Variants in TRDN observed in about 807,000 individuals in gnomAD.
The protein encoded by TRDN is triadin in skeletal muscle.
TRDN carries 161 observed loss-of-function variants against 149.7 expected under a neutral mutation model. That is an observed-to-expected ratio of 1.08 (90% CI 0.95 to 1.23). The LOEUF (loss-of-function observed/expected upper bound fraction) is 1.23, where lower values mean the gene tolerates loss of function less well. Ranked by LOEUF, TRDN falls within the 50% of genes most tolerant of loss-of-function variation. The pLI is 0.00. For missense variants in TRDN, 896 were observed against 823.5 expected (o/e 1.09, Z -1.08); for synonymous variants, 294 against 250.5 (o/e 1.17, Z -1.64).
chr6:123,632,282 A>G lies in TRDN; in HGVS notation c.22+4472T>C, dbSNP rs140126660. On this transcript the variant is annotated intron_variant, in intron 1 of 40. Coordinates refer to ENST00000334268, the MANE Select transcript of TRDN (RefSeq NM_006073.4). ...ATTTCTTAAAAATTGGAGGCTGTGTATTTCCTTTTCCTTCCCTCCTTTCTT... is the reference window on the plus strand; with the variant it reads ...ATTTCTTAAAAATTGGAGGCTGTGTGTTTCCTTTTCCTTCCCTCCTTTCTT... 4.0e-5 allele frequency among the ~76,000 whole-genome samples: 6 copies of G among 151,710 alleles called. No homozygotes were observed. The East Asian group carries it at 1.2e-3, about 30-fold the overall frequency.
intron 19 of TRDN, among the ~76,000 whole-genome samples, chr6:123,373,891 A>G (rs1194285299): frequency 6.6e-6 from 1 of 152,210 alleles, no homozygotes; most frequent in Non-Finnish European, 1.5e-5. Flanking sequence ...CTATAATGAT[A>G]TGTAATTTTC....
Position 123,381,734 on chromosome 6 carries a change from T to C in TRDN, c.1166-344A>G, listed in dbSNP as rs548152512. The stretch of plus-strand genomic sequence containing the variant: ...ACAGGTATACTTGCCAAATGAATTA[T>C]TCAAGACCGAAAGGAAGAAATCAGT... On this transcript the variant is annotated intron_variant, in intron 15 of 40. Transcript: ENST00000334268. Among the ~76,000 whole-genome samples, 5 of 152,166 alleles carry C rather than the reference T, an allele frequency of 3.3e-5. No homozygotes were observed. The South Asian group carries it at 8.3e-4, about 25-fold the overall frequency.
At chr6:123,412,572 G>A (rs1306329234) in intron 12 of TRDN, among the ~76,000 whole-genome samples, 1 of 152,030 alleles carries the variant, frequency 6.6e-6, no homozygotes, top group Non-Finnish European at 1.5e-5. Context: ...ATTTCATTGT[G>A]GTATAGCTGC....
intron 24 of TRDN, among the ~76,000 whole-genome samples, chr6:123,298,933 T>C (rs1778306156): frequency 1.3e-5 from 2 of 152,116 alleles, no homozygotes; most frequent in African/African-American, 4.8e-5. Context: ...ATCATTAATG[T>C]TGGTTATAAT....
intron 12 of TRDN, among the ~76,000 whole-genome samples, chr6:123,415,896 T>G (rs1289748624): frequency 1.3e-5 from 2 of 152,224 alleles, no homozygotes; most frequent in African/African-American, 4.8e-5. Context: ...TAGTCGAGTT[T>G]CCATATTCTA....
chr6:123,434,399 G>A (rs1056701625), intron 12 of TRDN, among the ~76,000 whole-genome samples: 2 of 152,166 alleles, frequency 1.3e-5, no homozygotes, highest in Non-Finnish European at 2.9e-5. Context: ...GGCAAATGAA[G>A]ATGTTAGTAA....
chr6:123,330,554 G>A (rs184516102), intron 23 of TRDN, among the ~76,000 whole-genome samples: 32 of 152,018 alleles, frequency 2.1e-4, no homozygotes, highest in East Asian at 1.9e-3. Context: ...CATAAAAGCC[G>A]ATGAAAAGAA....
intron 12 of TRDN, among the ~76,000 whole-genome samples, chr6:123,413,577 T>C (rs1186662641): frequency 6.6e-6 from 1 of 152,184 alleles, no homozygotes; most frequent in Non-Finnish European, 1.5e-5. Context: ...CTTCATAGCC[T>C]GATAAAAGTG....
chr6:123,502,064 C>T (rs1271556582), intron 8 of TRDN: 14 of 983,284 alleles, frequency 1.4e-5, no homozygotes, highest in East Asian at 1.1e-4. Flanking sequence ...TCAATTTTTA[C>T]ACTCTGTATT....
chr6:123,580,712 T>C (rs1051336672), intron 1 of TRDN, among the ~76,000 whole-genome samples: 3 of 152,198 alleles, frequency 2.0e-5, no homozygotes, highest in Non-Finnish European at 4.4e-5. Context: ...GCTGTAACTA[T>C]GCAACAACCT....
intron 20 of TRDN, among the ~76,000 whole-genome samples, chr6:123,364,961 A>G (rs2114353436): frequency 6.6e-6 from 1 of 152,380 alleles, no homozygotes; most frequent in Middle Eastern, 3.4e-3. Flanking sequence ...TGTCAATTCC[A>G]GAATATGACA....
intron 12 of TRDN, among the ~76,000 whole-genome samples, chr6:123,427,224 T>G (rs766668496): frequency 6.6e-6 from 1 of 151,582 alleles, no homozygotes; most frequent in Non-Finnish European, 1.5e-5. Context: ...AGGTTATATA[T>G]AGTGAACATT....
chr6:123,539,539 A>T (rs917933388), intron 4 of TRDN, among the ~76,000 whole-genome samples: 3 of 152,246 alleles, frequency 2.0e-5, no homozygotes, highest in Admixed American at 1.3e-4. Flanking sequence ...ACTTGACCAT[A>T]GCTGGTTAAC....
intron 12 of TRDN, among the ~76,000 whole-genome samples, chr6:123,419,538 T>A (rs888399065): frequency 1.3e-5 from 2 of 152,084 alleles, no homozygotes; most frequent in African/African-American, 4.8e-5. Flanking sequence ...AGCCCCAGGT[T>A]AATTTTTTAA....
intron 12 of TRDN, among the ~76,000 whole-genome samples, chr6:123,436,029 A>G (rs937332854): frequency 6.6e-6 from 1 of 152,114 alleles, no homozygotes; most frequent in Non-Finnish European, 1.5e-5. Flanking sequence ...ACAAACACAC[A>G]CAAAACCATT....
At chr6:123,505,219 G>A (rs1162469121) in intron 7 of TRDN, among the ~76,000 whole-genome samples, 1 of 119,232 alleles carries the variant, frequency 8.4e-6, no homozygotes, top group Non-Finnish European at 1.6e-5. Flanking sequence ...ACCACAACTT[G>A]GGCAACAAGA....
At chr6:123,225,417 CA>C (rs1775316984) in intron 38 of TRDN, among the ~76,000 whole-genome samples, 1 of 151,640 alleles carries the variant, frequency 6.6e-6, no homozygotes, top group Non-Finnish European at 1.5e-5. Context: ...TATGATCCAG[CA>C]ATTTCACTTC....
intron 14 of TRDN, 110 bp downstream of exon 14, chr6:123,388,412 A>T: frequency 8.1e-7 from 1 of 1,237,710 alleles, no homozygotes; most frequent in Admixed American, 2.0e-5. Context: ...TGCACATAAT[A>T]GATCCAGTTA....
intron 21 of TRDN, chr6:123,349,639 C>A: frequency 1.1e-6 from 1 of 930,558 alleles, no homozygotes; most frequent in Non-Finnish European, 1.3e-6. Flanking sequence ...AAAATTGTTT[C>A]TGTCTTTTTT....
Sources: gnomAD v4.1 joint callset for allele counts (sites outside exome capture counted in the v4.1 genomes callset) on GRCh38, gnomAD v4.1.1 for gene constraint, MANE v1.5 for transcripts, NCBI Gene and HGNC (gene_info 2026-07-23, HGNC 2026-07-21) for gene names.